COP1: variants seen among roughly 807,000 people sequenced by gnomAD.
The protein encoded by COP1 is COP1 E3 ubiquitin ligase, also known as E3 ubiquitin-protein ligase COP1.
Under a neutral mutation model 101.3 loss-of-function variants are expected in COP1, and 24 were observed. That is an observed-to-expected ratio of 0.24 (90% confidence interval 0.17 to 0.33). The LOEUF (loss-of-function observed/expected upper bound fraction) is 0.33. Ranked by LOEUF, COP1 falls within the 10% of genes least tolerant of loss-of-function variation. The probability of loss-of-function intolerance (pLI) is 1.00; values close to 1 mark genes in which losing one functional copy is unlikely to be tolerated. For missense variants in COP1, 663 were observed against 906.2 expected, an observed-to-expected ratio of 0.73 and a Z score of 3.45; for synonymous variants, 347 against 341.9, an observed-to-expected ratio of 1.01 and a Z score of -0.17.
At chr1:176,073,694 T>C (rs1244529391) in intron 11 of COP1, among the ~76,000 whole-genome samples, 1 of 152,222 alleles carries the variant, frequency 6.6e-6, no homozygotes. Context: ...TTGTCTATTG[T>C]TTAATAGTCG....
chr1:176,132,469 T>C (rs61821028), intron 8 of COP1, among the ~76,000 whole-genome samples: 16,469 of 151,238 alleles, frequency 0.11, 992 homozygotes, highest in Middle Eastern at 0.16. Context: ...TATGTGATCA[T>C]AGAGTATACT....
At chr1:176,065,081 A>G (rs1273898746) in intron 11 of COP1, among the ~76,000 whole-genome samples, 2 of 152,226 alleles carry the variant, frequency 1.3e-5, no homozygotes, top group Admixed American at 6.5e-5. Flanking sequence ...AAATAACCCA[A>G]TAAACTAATA....
chr1:176,152,073 G>A (rs1332978733), intron 5 of COP1, among the ~76,000 whole-genome samples: 2 of 151,840 alleles, frequency 1.3e-5, no homozygotes, highest in Non-Finnish European at 2.9e-5. Context: ...GGCAGATTGC[G>A]TGAGCTCTGG....
intron 15 of COP1, among the ~76,000 whole-genome samples, chr1:176,000,081 T>C (rs1054505102): frequency 1.1e-4 from 17 of 152,142 alleles, no homozygotes; most frequent in African/African-American, 4.1e-4. Flanking sequence ...TTGTTGACTG[T>C]TGCCTTCGCT....
chr1:176,106,824 C>G lies in COP1; in HGVS notation c.1026+9800G>C, dbSNP rs57498235. Among the ~76,000 whole-genome samples, 943 of 152,264 alleles carry G rather than the reference C, an allele frequency of 6.2e-3. 14 individuals carry two copies. Among genetic ancestry groups the G allele is most frequent in the African/African-American group, 0.021 (890 of 41,546 alleles). ...CAATTCCTCTGTCTTGATAAATTGA[C>G]TCTGTCTAGGCAGCAGGCAAGGTGA... On this transcript the variant is annotated intron_variant, in intron 9 of 19. Transcript: ENST00000367669.
At chr1:176,009,089 C>T (rs937546318) in intron 15 of COP1, among the ~76,000 whole-genome samples, 4 of 152,178 alleles carry the variant, frequency 2.6e-5, no homozygotes, top group African/African-American at 9.7e-5. Context: ...ATGTGCATAG[C>T]ATTCTACAGC....
At chr1:176,144,877 G>C (rs899473707) in intron 6 of COP1, among the ~76,000 whole-genome samples, 1 of 152,020 alleles carries the variant, frequency 6.6e-6, no homozygotes, top group African/African-American at 2.4e-5. Context: ...TTCAAGTATA[G>C]ATCTAAATAT....
chr1:176,162,013 CATT>C (rs1403785272), intron 5 of COP1, among the ~76,000 whole-genome samples: 1 of 152,126 alleles, frequency 6.6e-6, no homozygotes, highest in Non-Finnish European at 1.5e-5. Flanking sequence ...GTGCAAATGA[CATT>C]ATTATCCACC....
intron 9 of COP1, 48 bp downstream of exon 9, chr1:176,116,576 G>C (rs1290390343): frequency 2.2e-6 from 3 of 1,382,890 alleles, no homozygotes; most frequent in East Asian, 4.6e-5. Flanking sequence ...TTATAACTCA[G>C]ATAATTATAC....
chr1:176,112,312 T>A (rs986402478), intron 9 of COP1, among the ~76,000 whole-genome samples: 42 of 152,168 alleles, frequency 2.8e-4, no homozygotes, highest in Middle Eastern at 6.8e-3. Context: ...ACATTTTTTT[T>A]AAATTTTATT....
intron 9 of COP1, among the ~76,000 whole-genome samples, chr1:176,112,802 A>G (rs1019430749): frequency 2.0e-5 from 3 of 152,004 alleles, no homozygotes; most frequent in African/African-American, 4.8e-5. Context: ...AAGAATGACA[A>G]TATGTGATGT....
chr1:176,084,045 C>A (rs542861184), intron 10 of COP1, among the ~76,000 whole-genome samples: 15 of 152,244 alleles, frequency 9.9e-5, no homozygotes, highest in African/African-American at 3.1e-4. Flanking sequence ...TCTATGCTGC[C>A]AGTGACTTAA....
At chr1:175,973,627 A>G (rs1329586567) in intron 18 of COP1, among the ~76,000 whole-genome samples, 1 of 152,188 alleles carries the variant, frequency 6.6e-6, no homozygotes, top group Non-Finnish European at 1.5e-5. Context: ...GTAAAGCAGG[A>G]GCTCCCTACC....
At chr1:175,947,296 A>G in intron 18 of COP1, 57 bp from the exon 19 acceptor site, 2 of 1,154,080 alleles carry the variant, frequency 1.7e-6, no homozygotes, top group East Asian at 4.7e-5. Flanking sequence ...AGAGCAATCC[A>G]AGAGATAATT....
At chr1:175,982,203 A>C (rs1451894603) in intron 18 of COP1, among the ~76,000 whole-genome samples, 2 of 152,204 alleles carry the variant, frequency 1.3e-5, no homozygotes, top group Non-Finnish European at 1.5e-5. Context: ...AAAAGAGTTA[A>C]AATTAGGTTA....
At chr1:176,042,562 C>CAAAA (rs1171580353) in intron 14 of COP1, among the ~76,000 whole-genome samples, 3 of 53,096 alleles carry the variant, frequency 5.7e-5, no homozygotes, top group Non-Finnish European at 1.1e-4. Context: ...GAATCCGTCT[C>CAAAA]AAAAAAAAAA....
At chr1:176,088,147 T>G (rs1420507333) in intron 9 of COP1, among the ~76,000 whole-genome samples, 1 of 151,910 alleles carries the variant, frequency 6.6e-6, no homozygotes, top group African/African-American at 2.4e-5. Flanking sequence ...GAGAAACACC[T>G]AATGTAAATG....
At chr1:175,963,856 T>C (rs1445981596) in intron 18 of COP1, among the ~76,000 whole-genome samples, 2 of 152,176 alleles carry the variant, frequency 1.3e-5, no homozygotes, top group African/African-American at 4.8e-5. Context: ...ACTATAGTTA[T>C]TTATGAATAT....
At chr1:175,995,111 A>G (rs903168235) in intron 15 of COP1, among the ~76,000 whole-genome samples, 10 of 152,192 alleles carry the variant, frequency 6.6e-5, no homozygotes, top group African/African-American at 2.2e-4. Flanking sequence ...CCGCTCAACT[A>G]CATGGAAAGT....
Sources: gnomAD v4.1 joint callset for allele counts (sites outside exome capture counted in the v4.1 genomes callset) on GRCh38, gnomAD v4.1.1 for gene constraint, MANE v1.5 for transcripts, NCBI Gene and HGNC (gene_info 2026-07-23, HGNC 2026-07-21) for gene names.